ORC3: variants seen among roughly 807,000 people sequenced by gnomAD.
ORC3 encodes the protein homolog of latheo, Drosophila.
A neutral mutation model predicts 100.7 loss-of-function variants in ORC3; 78 were observed. The observed-to-expected ratio is 0.77, with a 90% CI of 0.65 to 0.94. The LOEUF (loss-of-function observed/expected upper bound fraction) is 0.94, where lower values mean the gene tolerates loss of function less well. Ranked by LOEUF, ORC3 falls within the 40% of genes least tolerant of loss-of-function variation. The pLI, the probability that ORC3 is intolerant of heterozygous loss-of-function variation, is 0.00. For missense variants in ORC3, 789 were observed against 823.9 expected, an observed-to-expected ratio of 0.96 and a Z score of 0.52; for synonymous variants, 295 against 289.3, an observed-to-expected ratio of 1.02 and a Z score of -0.20.
chr6:87,642,643 C>T (rs1203849860), intron 13 of ORC3, among the ~76,000 whole-genome samples: 1 of 151,912 alleles, frequency 6.6e-6, no homozygotes. Context: ...TGGCTCACGC[C>T]TGTAATCCCA....
chr6:87,605,845 T>C (rs12664927), intron 4 of ORC3, 72 bp from the exon 5 acceptor site: 64,086 of 806,914 alleles, frequency 0.079, 2,696 homozygotes, highest in East Asian at 0.094. Flanking sequence ...TTGCTTGATA[T>C]GTTAAATAGC....
chr6:87,656,976 T>C lies in ORC3; in HGVS notation c.1587T>C (p.Leu529=). The C allele has an allele frequency of 6.2e-7, 1 of 1,604,148 alleles. No homozygotes were observed. The highest frequency in any genetic ancestry group is 8.5e-7 in the Non-Finnish European group (1 of 1,170,946). Residue 529 remains leucine, a synonymous_variant, in exon 15 of 20, where the codon CTT becomes CTC. Coordinates refer to ENST00000392844, the MANE Select transcript of ORC3 (RefSeq NM_012381.4). ...TTCAGAAGACAGACCTCTATCATCT[T>C]CAGAAGGTCAGGTCACTCTCTTCCC... ...KGLQKTDLYH[L]QKSLLEMKEL...
At chr6:87,601,077 A>G (rs1777862155) in intron 2 of ORC3, among the ~76,000 whole-genome samples, 2 of 152,240 alleles carry the variant, frequency 1.3e-5, no homozygotes, top group Admixed American at 1.3e-4. Context: ...GAAAAATGTA[A>G]GAATAGTAGT....
rs1292940859 is a variant in ORC3, at chr6:87,633,238, A to G, written c.1186-1607A>G. On this transcript the variant is annotated intron_variant, in intron 11 of 19. Transcript: ENST00000392844. ...AAAATATTCCCCCTGTTTAAAAGCTATTTAAGCACACATCAAGGTAATTAA... is the reference window on the plus strand; with the variant it reads ...AAAATATTCCCCCTGTTTAAAAGCTGTTTAAGCACACATCAAGGTAATTAA... Among the ~76,000 whole-genome samples, 6 of 152,338 alleles carry G rather than the reference A, an allele frequency of 3.9e-5. No individual in the cohort carries two copies. In the South Asian group the frequency reaches 1.2e-3, roughly 32 times the overall value.
the ORC3 span, among the ~76,000 whole-genome samples, chr6:87,676,948 G>A: frequency 6.6e-5 from 10 of 150,796 alleles, no homozygotes; most frequent in Admixed American, 6.6e-4. Flanking sequence ...ATGGTGGTAG[G>A]TGCCTGTAGT....
intron 1 of ORC3, among the ~76,000 whole-genome samples, chr6:87,591,817 C>T (rs905066937): frequency 3.9e-5 from 6 of 152,018 alleles, no homozygotes; most frequent in African/African-American, 1.2e-4. Context: ...CTGCAACCTC[C>T]ACCTCCCCGA....
intron 7 of ORC3, among the ~76,000 whole-genome samples, chr6:87,610,990 G>T (rs1171504508): frequency 7.2e-6 from 1 of 138,864 alleles, no homozygotes; most frequent in Non-Finnish European, 1.5e-5. Context: ...AGGCTAGAGC[G>T]CAGTGACATG....
intron 9 of ORC3, among the ~76,000 whole-genome samples, chr6:87,617,942 G>A (rs190520187): frequency 3.3e-5 from 5 of 152,200 alleles, no homozygotes; most frequent in Admixed American, 1.3e-4. Context: ...TTTTTAAAGA[G>A]TATTTTAAAA....
intron 13 of ORC3, among the ~76,000 whole-genome samples, chr6:87,645,340 G>A (rs997070087): frequency 1.3e-5 from 2 of 152,062 alleles, no homozygotes; most frequent in Non-Finnish European, 2.9e-5. Context: ...TCTAGGAAGG[G>A]GCACCTAATA....
At chr6:87,656,798 TA>T in intron 14 of ORC3, 107 bp from the exon 15 acceptor site, 8 of 677,934 alleles carry the variant, frequency 1.2e-5, no homozygotes, top group South Asian at 2.0e-5. Flanking sequence ...CTTGCCACAT[TA>T]AAAAAATATA....
chr6:87,640,798 G>A (rs187213654), intron 13 of ORC3, among the ~76,000 whole-genome samples: 1 of 152,136 alleles, frequency 6.6e-6, no homozygotes, highest in East Asian at 1.9e-4. Context: ...AGGTTTTAAG[G>A]GTTATTGTAA....
intron 13 of ORC3, among the ~76,000 whole-genome samples, chr6:87,650,270 G>A (rs1583145231): frequency 6.6e-6 from 1 of 151,822 alleles, no homozygotes; most frequent in East Asian, 1.9e-4. Flanking sequence ...TGGCCAGGCT[G>A]GTCTCAAACA....
chr6:87,633,317 G>A (rs1248608507), intron 11 of ORC3, among the ~76,000 whole-genome samples: 2 of 152,100 alleles, frequency 1.3e-5, no homozygotes, highest in Non-Finnish European at 2.9e-5. Context: ...AAAGAACTAA[G>A]CTAAAGTTTA....
At chr6:87,592,851 T>G (rs186566861) in intron 1 of ORC3, among the ~76,000 whole-genome samples, 179 of 152,246 alleles carry the variant, frequency 1.2e-3, no homozygotes, top group Non-Finnish European at 1.5e-3. Flanking sequence ...CCCAGCACTT[T>G]GGGAGGCCGA....
At chr6:87,642,044 T>C (rs1342939455) in intron 13 of ORC3, among the ~76,000 whole-genome samples, 2 of 152,148 alleles carry the variant, frequency 1.3e-5, no homozygotes, top group African/African-American at 4.8e-5. Flanking sequence ...ACCTATGAAT[T>C]AGAGCACTTG....
chr6:87,612,360 G>A, intron 8 of ORC3, 112 bp downstream of exon 8: 2 of 545,374 alleles, frequency 3.7e-6, no homozygotes, highest in South Asian at 4.6e-5. Context: ...GTACTATATT[G>A]AACATATTCC....
intron 11 of ORC3, among the ~76,000 whole-genome samples, chr6:87,631,787 C>G (rs879404282): frequency 6.6e-6 from 1 of 152,110 alleles, no homozygotes; most frequent in Non-Finnish European, 1.5e-5. Context: ...CCACCCTGCC[C>G]GGCCCGAAAA....
intron 16 of ORC3, among the ~76,000 whole-genome samples, chr6:87,658,813 G>C (rs576818651): frequency 6.6e-6 from 1 of 152,146 alleles, no homozygotes; most frequent in African/African-American, 2.4e-5. Flanking sequence ...GACATGTGCT[G>C]GGTAAATTTA....
rs369811445 is a variant in ORC3 at position 87,635,595 on chromosome 6, G to A, written c.1302+634G>A. Reference sequence around the variant, plus strand: ...GTGGTTCGCCTGAGGTCAGCAATTCGAGAACAGCCTGGCCAACATGGTGAA... The same window carrying A: ...GTGGTTCGCCTGAGGTCAGCAATTCAAGAACAGCCTGGCCAACATGGTGAA... On this transcript the variant is annotated intron_variant, in intron 12 of 19. Transcript: ENST00000392844. 3.3e-5 allele frequency among the ~76,000 whole-genome samples: 5 copies of A among 152,096 alleles called. No individual in the cohort carries two copies. In the South Asian group the frequency reaches 6.2e-4, roughly 19 times the overall value.
Sources: gnomAD v4.1 joint callset for allele counts (sites outside exome capture counted in the v4.1 genomes callset) on GRCh38, gnomAD v4.1.1 for gene constraint, MANE v1.5 for transcripts, NCBI Gene and HGNC (gene_info 2026-07-23, HGNC 2026-07-21) for gene names.